ZPBP: variants seen among roughly 807,000 people sequenced by gnomAD.
ZPBP encodes the protein zona pellucida binding protein.
ZPBP carries 26 observed loss-of-function variants against 44.8 expected under a neutral mutation model. The ratio of observed to expected loss-of-function variants is 0.58; its 90% CI spans 0.43 to 0.81. The LOEUF is 0.81. ZPBP is among the 30% of genes least tolerant of loss of function. The pLI, the probability that ZPBP is intolerant of heterozygous loss-of-function variation, is 0.00. For synonymous variants in ZPBP, 174 were observed against 153.2 expected (o/e 1.14, Z -1.00); for missense variants, 409 against 434.0 (o/e 0.94, Z 0.51).
chr7:50,020,098 C>A (rs772786977), intron 5 of ZPBP, among the ~76,000 whole-genome samples: 35 of 151,262 alleles, frequency 2.3e-4, no homozygotes, highest in Admixed American at 2.0e-3. Context: ...ATGAAAAGCA[C>A]TAGCAAACTG....
At chr7:49,939,294 G>A (rs1794757329) in intron 7 of ZPBP, among the ~76,000 whole-genome samples, 3 of 152,094 alleles carry the variant, frequency 2.0e-5, no homozygotes, top group Non-Finnish European at 4.4e-5. Flanking sequence ...AAATAGAAAT[G>A]ACACCAGCAT....
chr7:49,991,264 T>C (rs1230336322), intron 6 of ZPBP, among the ~76,000 whole-genome samples: 1 of 152,116 alleles, frequency 6.6e-6, no homozygotes, highest in African/African-American at 2.4e-5. Context: ...ACATAAAGTC[T>C]CTACAGATAA....
intron 1 of ZPBP, among the ~76,000 whole-genome samples, chr7:49,906,687 T>G (rs555552455): frequency 6.6e-6 from 1 of 152,270 alleles, no homozygotes; most frequent in South Asian, 2.1e-4. Flanking sequence ...TACCAAGAAT[T>G]ATTATTTTCT....
At chr7:49,996,611 C>T (rs572805552) in intron 6 of ZPBP, among the ~76,000 whole-genome samples, 2 of 152,308 alleles carry the variant, frequency 1.3e-5, no homozygotes, top group East Asian at 3.9e-4. Flanking sequence ...ACAAGGGGAT[C>T]CAGTCACCAA....
chr7:49,854,125 T>G (rs1220114771), intron 2 of ZPBP, among the ~76,000 whole-genome samples: 1 of 152,168 alleles, frequency 6.6e-6, no homozygotes, highest in African/African-American at 2.4e-5. Flanking sequence ...TGATGGACAT[T>G]TGGGTTGGTT....
At chr7:49,991,402 C>T (rs1047656250) in intron 6 of ZPBP, among the ~76,000 whole-genome samples, 1 of 152,006 alleles carries the variant, frequency 6.6e-6, no homozygotes, top group South Asian at 2.1e-4. Flanking sequence ...AATTTGAGAG[C>T]AAAAGCAAAG....
At chr7:49,998,046 C>G (rs1797929490) in intron 6 of ZPBP, among the ~76,000 whole-genome samples, 1 of 151,980 alleles carries the variant, frequency 6.6e-6, no homozygotes, top group Admixed American at 6.6e-5. Flanking sequence ...GCCTCCCAAG[C>G]AGCTGGGACT....
intron 6 of ZPBP, among the ~76,000 whole-genome samples, chr7:49,984,331 A>C (rs746070919): frequency 7.9e-5 from 12 of 152,214 alleles, no homozygotes; most frequent in Non-Finnish European, 1.3e-4. Flanking sequence ...ATGCAAAAAC[A>C]CCCACAAAGG....
downstream of ZPBP, among the ~76,000 whole-genome samples, chr7:49,934,035 T>C (rs940335882): frequency 3.8e-5 from 5 of 131,454 alleles, no homozygotes; most frequent in African/African-American, 1.5e-4. Context: ...ACATGTACCC[T>C]AAAACTTAAA....
intron 7 of ZPBP, among the ~76,000 whole-genome samples, chr7:49,963,275 C>T (rs978197956): frequency 6.6e-6 from 1 of 151,570 alleles, no homozygotes; most frequent in East Asian, 1.9e-4. Flanking sequence ...AAATCTCATA[C>T]ATTGCTGGTG....
chr7:49,912,311 C>T (rs1314355256), intron 1 of ZPBP: 2 of 999,530 alleles, frequency 2.0e-6, no homozygotes, highest in Non-Finnish European at 1.4e-6. Flanking sequence ...ATTGTTGGTA[C>T]TTTTCCTTTT....
chr7:49,903,187 T>A (rs1792871603), intron 1 of ZPBP, among the ~76,000 whole-genome samples: 1 of 152,224 alleles, frequency 6.6e-6, no homozygotes, highest in African/African-American at 2.4e-5. Flanking sequence ...GAAAACAGTT[T>A]GTCAGTTTCT....
At chr7:49,854,920 A>G (rs1244344474) in intron 2 of ZPBP, among the ~76,000 whole-genome samples, 1 of 152,220 alleles carries the variant, frequency 6.6e-6, no homozygotes, top group Non-Finnish European at 1.5e-5. Flanking sequence ...AACTTGCCCA[A>G]TGCCATGCAC....
intron 2 of ZPBP, among the ~76,000 whole-genome samples, chr7:49,863,662 G>A (rs1277373093): frequency 1.3e-5 from 2 of 152,036 alleles, no homozygotes; most frequent in Non-Finnish European, 1.5e-5. Context: ...TAACTCCTGA[G>A]TCAAGCCATC....
chr7:49,994,025 C>T lies in ZPBP; in HGVS notation c.784-10506G>A, dbSNP rs1797691023. ...AGAGGTCTTTCCACATTCCTCTTCT[C>T]CAAATATCTTTGTCACCAAATTTCC... On this transcript the variant is annotated intron_variant, in intron 6 of 7. Transcript: ENST00000046087. Among the ~76,000 whole-genome samples the T allele has an allele frequency of 1.3e-5, 2 of 152,190 alleles. 1 individual carries two copies. Among genetic ancestry groups the T allele is most frequent in the Admixed American group, 1.3e-4 (2 of 15,270 alleles).
At chr7:50,021,451 G>T (rs1799086612) in intron 5 of ZPBP, among the ~76,000 whole-genome samples, 1 of 151,714 alleles carries the variant, frequency 6.6e-6, no homozygotes, top group South Asian at 2.1e-4. Flanking sequence ...TAGTGAACTT[G>T]AAGACAGTTC....
chr7:50,029,621 C>T (rs1192483679), intron 5 of ZPBP, among the ~76,000 whole-genome samples: 1 of 152,108 alleles, frequency 6.6e-6, no homozygotes, highest in Admixed American at 6.6e-5. Flanking sequence ...TACAACAACA[C>T]CAAAAAGACA....
chr7:49,974,169 T>C (rs970089096), intron 7 of ZPBP, among the ~76,000 whole-genome samples: 11 of 152,170 alleles, frequency 7.2e-5, no homozygotes, highest in South Asian at 2.1e-4. Context: ...GTTTAATTAA[T>C]ACAATTTTTG....
At chr7:49,858,637 C>T (rs1017420929) in intron 2 of ZPBP, among the ~76,000 whole-genome samples, 8 of 151,478 alleles carry the variant, frequency 5.3e-5, no homozygotes, top group South Asian at 4.2e-4. Context: ...CACACCAACA[C>T]GGCACATGTA....
Sources: allele counts gnomAD v4.1 joint callset (sites outside exome capture counted in the v4.1 genomes callset), GRCh38; gene constraint gnomAD v4.1.1; transcripts MANE v1.5; gene names NCBI Gene and HGNC (gene_info 2026-07-23, HGNC 2026-07-21).